MALRD1: variants seen among roughly 807,000 people sequenced by gnomAD.
MALRD1 encodes the protein MAM and LDL receptor class A domain containing 1.
Under a neutral mutation model 242.1 loss-of-function variants are expected in MALRD1, and 247 were observed. The observed-to-expected ratio is 1.02, with a 90% CI of 0.92 to 1.13. The LOEUF (loss-of-function observed/expected upper bound fraction) is 1.13, where lower values mean the gene tolerates loss of function less well. Among genes scored for constraint, MALRD1 ranks in the 50% most tolerant of loss-of-function variants. The pLI is 0.00. For missense variants in MALRD1, 2,989 were observed against 2,533.1 expected, an observed-to-expected ratio of 1.18 and a Z score of -3.86; for synonymous variants, 995 against 866.6, an observed-to-expected ratio of 1.15 and a Z score of -2.60.
At chr10:19,129,443 C>A (rs900904124) in intron 8 of MALRD1, among the ~76,000 whole-genome samples, 4 of 152,062 alleles carry the variant, frequency 2.6e-5, no homozygotes, top group African/African-American at 9.7e-5. Flanking sequence ...CCTCTAGGAA[C>A]CAAAATGCGT....
intron 11 of MALRD1, among the ~76,000 whole-genome samples, chr10:19,151,686 G>A (rs937937146): frequency 1.4e-4 from 22 of 152,060 alleles, no homozygotes; most frequent in African/African-American, 4.6e-4. Flanking sequence ...AGATAAAAAT[G>A]TTCCCTTCTA....
intron 13 of MALRD1, among the ~76,000 whole-genome samples, chr10:19,171,457 T>TATATAC (rs1166665866): frequency 1.1e-4 from 8 of 74,556 alleles, no homozygotes; most frequent in Admixed American, 4.6e-4. Context: ...TATATATATA[T>TATATAC]ACACACATGT....
chr10:19,255,911 T>A (rs1218190439), intron 18 of MALRD1, among the ~76,000 whole-genome samples: 1 of 152,066 alleles, frequency 6.6e-6, no homozygotes, highest in East Asian at 1.9e-4. Context: ...GAATTTTGTC[T>A]TAAATTTTCA....
intron 20 of MALRD1, among the ~76,000 whole-genome samples, chr10:19,281,296 G>A (rs930524737): frequency 6.6e-6 from 1 of 152,066 alleles, no homozygotes; most frequent in Non-Finnish European, 1.5e-5. Flanking sequence ...TCATCGGAAG[G>A]CATTCGAATC....
intron 18 of MALRD1, among the ~76,000 whole-genome samples, chr10:19,246,397 G>A (rs534380542): frequency 7.2e-4 from 110 of 152,270 alleles, no homozygotes; most frequent in Non-Finnish European, 1.4e-3. Flanking sequence ...TATACCCAGA[G>A]GGGGAGACAC....
At chr10:19,503,822 C>G (rs974123490) in intron 31 of MALRD1, among the ~76,000 whole-genome samples, 4 of 152,146 alleles carry the variant, frequency 2.6e-5, no homozygotes, top group African/African-American at 9.7e-5. Context: ...TATTTATTGA[C>G]AGTGAAGTAT....
chr10:19,209,138 A>G (rs1406463355), intron 17 of MALRD1, 130 bp from the exon 18 acceptor site: 2 of 793,322 alleles, frequency 2.5e-6, no homozygotes, highest in African/African-American at 1.8e-5. Context: ...GTTGGATTTT[A>G]AAAATAAAAT....
chr10:19,278,459 A>ATCCG (rs1163919695), intron 19 of MALRD1, among the ~76,000 whole-genome samples: 1 of 151,676 alleles, frequency 6.6e-6, no homozygotes, highest in Non-Finnish European at 1.5e-5. Flanking sequence ...CCATCCATCC[A>ATCCG]TCCATCCATC....
At chr10:19,294,766 C>A (rs903482904) in intron 21 of MALRD1, among the ~76,000 whole-genome samples, 1 of 151,912 alleles carries the variant, frequency 6.6e-6, no homozygotes, top group African/African-American at 2.4e-5. Context: ...AATTTCTTAG[C>A]TTTTTTATTG....
intron 18 of MALRD1, among the ~76,000 whole-genome samples, chr10:19,227,601 T>C (rs1339731800): frequency 6.6e-6 from 1 of 151,862 alleles, no homozygotes; most frequent in Non-Finnish European, 1.5e-5. Context: ...ATGGAAAAAA[T>C]AGTAAATTGG....
At chr10:19,724,456 A>G (rs561298123) in intron 38 of MALRD1, among the ~76,000 whole-genome samples, 77 of 152,324 alleles carry the variant, frequency 5.1e-4, no homozygotes, top group African/African-American at 1.8e-3. Flanking sequence ...CAGCAGGAAC[A>G]TTGTGCTGTC....
At chr10:19,220,366 T>C (rs1837506832) in intron 18 of MALRD1, among the ~76,000 whole-genome samples, 1 of 152,168 alleles carries the variant, frequency 6.6e-6, no homozygotes, top group East Asian at 1.9e-4. Context: ...GCACACTTTA[T>C]TGCACTATTA....
intron 18 of MALRD1, among the ~76,000 whole-genome samples, chr10:19,229,945 G>A (rs910423525): frequency 6.6e-6 from 1 of 152,148 alleles, no homozygotes; most frequent in Non-Finnish European, 1.5e-5. Flanking sequence ...TTCACATGTT[G>A]TGGGAGGGAC....
chr10:19,210,818 G>A (rs566608036), intron 18 of MALRD1, among the ~76,000 whole-genome samples: 4 of 152,100 alleles, frequency 2.6e-5, no homozygotes, highest in Non-Finnish European at 5.9e-5. Flanking sequence ...GTGTGGCATC[G>A]TTCAGCTCTC....
chr10:19,233,371 G>A (rs868853125), intron 18 of MALRD1, among the ~76,000 whole-genome samples: 4 of 152,010 alleles, frequency 2.6e-5, no homozygotes, highest in African/African-American at 7.2e-5. Context: ...GTGTGGTGGC[G>A]AGTGCCTGTC....
chr10:19,583,135 G>A (rs1837215091), intron 33 of MALRD1, among the ~76,000 whole-genome samples: 1 of 126,484 alleles, frequency 7.9e-6, no homozygotes. Flanking sequence ...TGAGACGATG[G>A]GGTTTTCTAG....
intron 36 of MALRD1, among the ~76,000 whole-genome samples, chr10:19,684,913 A>G (rs550860255): frequency 6.6e-5 from 10 of 152,210 alleles, no homozygotes; most frequent in Non-Finnish European, 1.3e-4. Context: ...GAGACTGAGC[A>G]TGGTATGGAA....
intron 38 of MALRD1, among the ~76,000 whole-genome samples, chr10:19,707,591 C>T (rs1035286857): frequency 6.6e-6 from 1 of 152,122 alleles, no homozygotes; most frequent in African/African-American, 2.4e-5. Context: ...TGAACCTGAG[C>T]AGCAGTGATT....
rs1834521525 is a variant in MALRD1 at position 19,052,005 on chromosome 10, G to GTATACT, written c.199+2868_199+2869insTATACT. On this transcript the variant is annotated intron_variant, in intron 1 of 39. Coordinates refer to ENST00000454679, the MANE Select transcript of MALRD1 (RefSeq NM_001142308.3). ...AGAATGTGGACCTAAATACTCAGAA[G>GTATACT]CACCGCCCATTGTGAGATTTGTAAG... 3.4e-5 allele frequency: 10 copies of GTATACT among 296,806 alleles called. No individual in the cohort carries two copies. The Admixed American group carries it at 3.8e-4, about 11-fold the overall frequency. 18.4% of individuals were successfully genotyped at this position (296,806 alleles called of 1,614,324 possible). A position where few individuals can be genotyped will look rare whatever the true frequency, so the allele number is the denominator to read the frequency against.
Sources: gnomAD v4.1 joint callset for allele counts (sites outside exome capture counted in the v4.1 genomes callset) on GRCh38, gnomAD v4.1.1 for gene constraint, MANE v1.5 for transcripts, NCBI Gene and HGNC (gene_info 2026-07-23, HGNC 2026-07-21) for gene names.